Variants in SHROOM3 observed in about 807,000 individuals in gnomAD.
The protein encoded by SHROOM3 is protein Shroom3.
In SHROOM3, 47 loss-of-function variants were observed where a neutral mutation model predicts 138.6. The observed-to-expected ratio is 0.34, with a 90% CI of 0.27 to 0.43. SHROOM3 has a LOEUF of 0.43. Among genes scored for constraint, SHROOM3 ranks in the 20% least tolerant of loss-of-function variants. The pLI, the probability that SHROOM3 is intolerant of heterozygous loss-of-function variation, is 1.00. For missense variants in SHROOM3, 2,491 were observed against 2,596.5 expected (o/e 0.96, Z 0.88); for synonymous variants, 1,062 against 1,063.3 (o/e 1.00, Z 0.02).
rs182056003 is a variant in SHROOM3 at position 76,646,074 on chromosome 4, G to A, written c.324-64082G>A. The stretch of plus-strand genomic sequence containing the variant: ...GCAGACTATTTCATTTTCAGAACCC[G>A]TTGAGGGAGGGGGAAGGGATAGCAT... On this transcript the variant is annotated intron_variant, in intron 2 of 10. Transcript: ENST00000296043. Among the ~76,000 whole-genome samples the A allele has an allele frequency of 2.8e-4, 43 of 151,844 alleles. 1 individual carries two copies. The highest frequency in any genetic ancestry group is 8.3e-4 in the South Asian group (4 of 4,792).
chr4:76,657,734 T>C (rs1326653715), intron 2 of SHROOM3, among the ~76,000 whole-genome samples: 1 of 152,216 alleles, frequency 6.6e-6, no homozygotes, highest in African/African-American at 2.4e-5. Context: ...TTCTCTGCTC[T>C]GTGACTGTTG....
intron 2 of SHROOM3, among the ~76,000 whole-genome samples, chr4:76,603,145 G>C (rs1361794981): frequency 2.0e-5 from 3 of 152,080 alleles, no homozygotes; most frequent in African/African-American, 7.2e-5. Flanking sequence ...TTGGCTGGGC[G>C]TGGTGGCTCA....
At chr4:76,464,362 C>G (rs550619631) in intron 1 of SHROOM3, among the ~76,000 whole-genome samples, 2 of 152,208 alleles carry the variant, frequency 1.3e-5, no homozygotes, top group East Asian at 3.9e-4. Flanking sequence ...GGAAAGGGAG[C>G]ATTTACCCAA....
rs905172614 is a variant in SHROOM3 at position 76,668,404 on chromosome 4, T to TACA, written c.324-41738_324-41736dup. Reference sequence around the variant, plus strand: ...GGTGAAACCCCGTCTCTACTAAAAATACAACAACAACAACAAAAATTAGCC... The same window carrying TACA: ...GGTGAAACCCCGTCTCTACTAAAAATACAACAACAACAACAACAAAAATTAGCC... On this transcript the variant is annotated intron_variant, in intron 2 of 10. Coordinates refer to ENST00000296043, the MANE Select transcript of SHROOM3 (RefSeq NM_020859.4). Among the ~76,000 whole-genome samples the TACA allele has an allele frequency of 4.6e-5, 7 of 151,810 alleles. No individual in the cohort carries two copies. The South Asian group carries it at 6.2e-4, about 14-fold the overall frequency.
rs1721184449 is a variant in SHROOM3, at chr4:76,739,666, A to G, written c.1493A>G (p.Glu498Gly). The change falls in exon 5 of 11, where the codon GAG becomes GGG. Residue 498 changes from glutamate to glycine, a missense_variant. This residue lies in a region of SHROOM3 where 1,733 missense variants were observed against 1,661.6 expected (regional missense o/e 1.04). Coordinates refer to ENST00000296043, the MANE Select transcript of SHROOM3 (RefSeq NM_020859.4). Reference protein sequence around the residue: ...NGMLYPALAKESGYIAPQGAC... With the variant: ...NGMLYPALAKGSGYIAPQGAC... Reference sequence around the variant, plus strand: ...ATGCTCTACCCTGCACTGGCCAAGGAGAGTGGATACATAGCCCCTCAGGGA... The same window carrying G: ...ATGCTCTACCCTGCACTGGCCAAGGGGAGTGGATACATAGCCCCTCAGGGA... The G allele has an allele frequency of 1.2e-6, 2 of 1,614,030 alleles. No individual in the cohort carries two copies. The highest frequency in any genetic ancestry group is 1.3e-5 in the African/African-American group (1 of 74,916).
At chr4:76,721,434 A>AGGGGTCTG (rs546440513) in intron 3 of SHROOM3, among the ~76,000 whole-genome samples, 83 of 152,366 alleles carry the variant, frequency 5.4e-4, no homozygotes, top group African/African-American at 1.9e-3. Flanking sequence ...TGTCTACAAA[A>AGGGGTCTG]GGGGTCTGGT....
intron 2 of SHROOM3, among the ~76,000 whole-genome samples, chr4:76,672,807 G>T (rs1213867669): frequency 1.3e-5 from 2 of 152,154 alleles, no homozygotes; most frequent in Non-Finnish European, 2.9e-5. Flanking sequence ...TCCTGACCTC[G>T]TGATCCGCCT....
At chr4:76,513,178 A>T (rs997938411) in intron 1 of SHROOM3, among the ~76,000 whole-genome samples, 1 of 152,130 alleles carries the variant, frequency 6.6e-6, no homozygotes, top group African/African-American at 2.4e-5. Context: ...CGGGTCTTTC[A>T]TGATTCCCTA....
chr4:76,690,149 G>T (rs1226916920), intron 2 of SHROOM3, among the ~76,000 whole-genome samples: 1 of 152,138 alleles, frequency 6.6e-6, no homozygotes, highest in Non-Finnish European at 1.5e-5. Flanking sequence ...ACTTGCTCCA[G>T]ATCTTAAGAC....
Position 76,780,800 on chromosome 4 carries a change from G to A in SHROOM3, c.*1623G>A, listed in dbSNP as rs1299474803. 1 of 152,152 alleles carries A rather than the reference G, an allele frequency of 6.6e-6. No homozygotes were observed. The highest frequency in any genetic ancestry group is 1.5e-5 in the Non-Finnish European group (1 of 68,056). 9.4% of individuals were successfully genotyped at this position (152,152 alleles called of 1,614,324 possible). A position where few individuals can be genotyped will look rare whatever the true frequency, so the allele number is the denominator to read the frequency against. On this transcript the variant is annotated 3_prime_UTR_variant, in exon 11 of 11. Transcript: ENST00000296043. ...AATAAGACAGCACCTTGGTTTCCCA[G>A]GGATGTTTTCATTCAGAGGTCCTGT...
At chr4:76,554,474 C>T (rs1733437305) in intron 1 of SHROOM3, among the ~76,000 whole-genome samples, 1 of 143,676 alleles carries the variant, frequency 7.0e-6, no homozygotes, top group Admixed American at 7.2e-5. Flanking sequence ...GGCTGGAGTG[C>T]AGTGGCGTGA....
chr4:76,627,418 G>A (rs914296479), intron 2 of SHROOM3, among the ~76,000 whole-genome samples: 2 of 152,120 alleles, frequency 1.3e-5, no homozygotes, highest in African/African-American at 4.8e-5. Flanking sequence ...AGAAAATTAA[G>A]TTTCAGGTCT....
chr4:76,512,722 C>T (rs1424620182), intron 1 of SHROOM3, among the ~76,000 whole-genome samples: 12 of 152,092 alleles, frequency 7.9e-5, no homozygotes, highest in Admixed American at 7.9e-4. Context: ...CTGCAATGAG[C>T]GTGGAATCAT....
rs1254042593 is a variant in SHROOM3, at chr4:76,780,703, T to A, written c.*1526T>A. On this transcript the variant is annotated 3_prime_UTR_variant, in exon 11 of 11. Transcript: ENST00000296043. ...ATAAACAACTGGCCACCCAGAAGTTTCCTTTGCATAGTCAACCAAAGCTAT... is the reference window on the plus strand; with the variant it reads ...ATAAACAACTGGCCACCCAGAAGTTACCTTTGCATAGTCAACCAAAGCTAT... 3 of 152,196 alleles carry A rather than the reference T, an allele frequency of 2.0e-5. No homozygotes were observed. Among genetic ancestry groups the A allele is most frequent in the African/African-American group, 7.2e-5 (3 of 41,440 alleles). 9.4% of individuals were successfully genotyped at this position (152,196 alleles called of 1,614,324 possible). A position where few individuals can be genotyped will look rare whatever the true frequency, so the allele number is the denominator to read the frequency against.
rs374864139 is a variant in SHROOM3, at chr4:76,755,036, C to G, written c.4553C>G (p.Thr1518Arg). 2 of 1,603,832 alleles carry G rather than the reference C, an allele frequency of 1.2e-6. No individual in the cohort carries two copies. Among genetic ancestry groups the G allele is most frequent in the South Asian group, 2.2e-5 (2 of 90,088 alleles). ...VFVRDPHPKA[T>R]SSPTFEPLPP... ...GTGAGGGATCCGCACCCCAAGGCCACGTCCAGCCCCACATTTGAACCTCTT... is the reference window on the plus strand; with the variant it reads ...GTGAGGGATCCGCACCCCAAGGCCAGGTCCAGCCCCACATTTGAACCTCTT... The change falls in exon 7 of 11, where the codon ACG (threonine) becomes AGG (arginine). Residue 1518 changes from threonine to arginine, a missense_variant. By Grantham distance (71) the Thr-to-Arg change is moderately conservative. Around this residue, in one of 4 missense-constraint regions of SHROOM3, gnomAD observed 470 missense variants for 595.0 expected, o/e 0.79. Coordinates refer to ENST00000296043, the MANE Select transcript of SHROOM3 (RefSeq NM_020859.4).
intron 1 of SHROOM3, among the ~76,000 whole-genome samples, chr4:76,491,470 G>A (rs1227109577): frequency 1.3e-5 from 2 of 152,178 alleles, no homozygotes; most frequent in African/African-American, 4.8e-5. Context: ...TCCCTTGCAT[G>A]TGACTGAGAT....
intron 7 of SHROOM3, 38 bp from the exon 8 acceptor site, chr4:76,756,411 C>T (rs1187123308): frequency 6.5e-7 from 1 of 1,530,778 alleles, no homozygotes; most frequent in East Asian, 2.4e-5. Flanking sequence ...CTCTTTCTCT[C>T]TCTCTCTTTT....
chr4:76,571,224 G>C (rs1358203734), intron 2 of SHROOM3, among the ~76,000 whole-genome samples: 2 of 152,162 alleles, frequency 1.3e-5, no homozygotes, highest in Non-Finnish European at 2.9e-5. Context: ...GTCTTATCAA[G>C]GGGATACATG....
intron 2 of SHROOM3, among the ~76,000 whole-genome samples, chr4:76,708,113 G>A (rs757465455): frequency 4.6e-5 from 7 of 152,192 alleles, no homozygotes; most frequent in African/African-American, 1.4e-4. Context: ...GAGGTGACAC[G>A]TAGTAGGACA....
Sources: allele counts gnomAD v4.1 joint callset (sites outside exome capture counted in the v4.1 genomes callset), GRCh38; gene constraint gnomAD v4.1.1; regional missense constraint gnomAD v4.1.1; transcripts MANE v1.5; gene names NCBI Gene and HGNC (gene_info 2026-07-23, HGNC 2026-07-21).